Variants in TTC23 observed in about 807,000 individuals in gnomAD.
TTC23 encodes the protein tetratricopeptide repeat protein 23.
In TTC23, 58 loss-of-function variants were observed where a neutral mutation model predicts 55.1. The observed-to-expected ratio is 1.05, with a 90% CI of 0.85 to 1.31. The LOEUF (loss-of-function observed/expected upper bound fraction) is 1.31, where lower values mean the gene tolerates loss of function less well. TTC23 is among the 50% of genes most tolerant of loss of function. The pLI, the probability that TTC23 is intolerant of heterozygous loss-of-function variation, is 0.00. For missense variants in TTC23, 516 were observed against 534.4 expected (o/e 0.97, Z 0.34); for synonymous variants, 203 against 199.9 (o/e 1.02, Z -0.13).
At chr15:99,238,483 A>C (rs1460653200) in intron 3 of TTC23, among the ~76,000 whole-genome samples, 1 of 152,170 alleles carries the variant, frequency 6.6e-6, no homozygotes, top group East Asian at 1.9e-4. Context: ...TTGCTGCTGC[A>C]ATGACCTTGC....
intron 10 of TTC23, among the ~76,000 whole-genome samples, chr15:99,173,030 G>A (rs150858281): frequency 4.9e-4 from 75 of 152,276 alleles, no homozygotes; most frequent in Non-Finnish European, 9.3e-4. Context: ...TGAGTACACT[G>A]AGCACTGGGT....
At chr15:99,138,613 C>G (rs1220856657) in intron 13 of TTC23, among the ~76,000 whole-genome samples, 1 of 152,220 alleles carries the variant, frequency 6.6e-6, no homozygotes, top group Non-Finnish European at 1.5e-5. Context: ...TCGCCTGGCC[C>G]CTCCCATCTT....
Position 99,137,106 on chromosome 15 carries a change from CT to C in TTC23, c.*903del, listed in dbSNP as rs1157177046. On this transcript the variant is annotated 3_prime_UTR_variant, in exon 14 of 14. Coordinates refer to ENST00000394132, the MANE Select transcript of TTC23 (RefSeq NM_001288615.3). The stretch of plus-strand genomic sequence containing the variant: ...GACATCACTGCCCACACCTGCACCC[CT>C]ACCCCTGGGTGTTCCATCCACCTCG... 2 of 152,478 alleles carry C rather than the reference CT, an allele frequency of 1.3e-5. No homozygotes were observed. Among genetic ancestry groups the C allele is most frequent in the East Asian group, 3.9e-4 (2 of 5,180 alleles). The allele number at this position is 152,478 out of a possible 1,614,324, so 9.4% of individuals were successfully genotyped here.
intron 10 of TTC23, among the ~76,000 whole-genome samples, chr15:99,168,104 A>G (rs2072390725): frequency 1.3e-5 from 2 of 152,054 alleles, no homozygotes; most frequent in Admixed American, 6.6e-5. Flanking sequence ...CTCACAGGAG[A>G]CCCTCTTCAT....
chr15:99,159,492 A>G (rs1033710279), intron 11 of TTC23: 2 of 152,336 alleles, frequency 1.3e-5, no homozygotes, highest in Admixed American at 6.5e-5. Context: ...GAATCAGAGA[A>G]GCTGGTAAGA....
rs192083390 is a variant in TTC23 at position 99,214,773 on chromosome 15, G to A, written c.581+3815C>T. On this transcript the variant is annotated intron_variant, in intron 8 of 13. Transcript: ENST00000394132. ...TTCATTTTCTGATAACTGATAAGGTGGAACACCTTTTGATAGGTTTATTTG... is the reference window on the plus strand; with the variant it reads ...TTCATTTTCTGATAACTGATAAGGTAGAACACCTTTTGATAGGTTTATTTG... 7.9e-5 allele frequency among the ~76,000 whole-genome samples: 12 copies of A among 151,478 alleles called. No homozygotes were observed. The East Asian group carries it at 2.1e-3, about 27-fold the overall frequency.
At chr15:99,139,456 AC>A (rs782072176) in intron 12 of TTC23, 57 bp from the exon 13 acceptor site, 1 of 1,610,908 alleles carries the variant, frequency 6.2e-7, no homozygotes, top group South Asian at 1.1e-5. Flanking sequence ...AGAGCAGGAA[AC>A]TAAGGTCTCC....
chr15:99,244,391 C>G (rs930146993), intron 2 of TTC23, among the ~76,000 whole-genome samples: 1 of 152,060 alleles, frequency 6.6e-6, no homozygotes, highest in Middle Eastern at 3.2e-3. Flanking sequence ...CCTAAGGATT[C>G]CACAATAAAT....
intron 4 of TTC23, among the ~76,000 whole-genome samples, chr15:99,232,619 T>C (rs551023292): frequency 6.6e-6 from 1 of 152,194 alleles, no homozygotes; most frequent in African/African-American, 2.4e-5. Flanking sequence ...ATCTTACACC[T>C]GTTAAAATGG....
At chr15:99,248,751 AAG>A (rs2080477754) in intron 1 of TTC23, among the ~76,000 whole-genome samples, 1 of 152,246 alleles carries the variant, frequency 6.6e-6, no homozygotes, top group Non-Finnish European at 1.5e-5. Flanking sequence ...CAGGCAACTT[AAG>A]AAATAGTCAT....
At chr15:99,189,950 G>A (rs1396872208) in intron 9 of TTC23, among the ~76,000 whole-genome samples, 2 of 152,134 alleles carry the variant, frequency 1.3e-5, no homozygotes, top group African/African-American at 2.4e-5. Context: ...GCTGAAGTGG[G>A]TGGATTGCTT....
chr15:99,144,021 G>A (rs1372469061), intron 12 of TTC23, among the ~76,000 whole-genome samples: 4 of 152,184 alleles, frequency 2.6e-5, no homozygotes, highest in Admixed American at 6.5e-5. Flanking sequence ...TGGGTGTGTG[G>A]TGTGAAAAGC....
In TTC23 at chr15:99,156,252, C is replaced by G. The variant is rs751571056; in HGVS notation, c.1039G>C (p.Ala347Pro). ...ACCTCGGGACTGAAATCGCCAAATG[C>G]TTCCACTTTGGCTTCCAGGGACTCT... Reference protein sequence around the residue: ...LRESLEAKVEAFGDFSPEVAE... With the variant: ...LRESLEAKVEPFGDFSPEVAE... Residue 347 changes from alanine (A) to proline (P), a missense_variant, in exon 12 of 14, where the codon GCA becomes CCA. By Grantham distance (27) the Ala-to-Pro change is conservative. Coordinates refer to ENST00000394132, the MANE Select transcript of TTC23 (RefSeq NM_001288615.3). 9.9e-6 allele frequency: 16 copies of G among 1,614,248 alleles called. No homozygotes were observed. The South Asian group carries it at 1.8e-4, about 18-fold the overall frequency.
intron 2 of TTC23, among the ~76,000 whole-genome samples, 188 bp from the exon 3 acceptor site, chr15:99,241,747 C>T (rs926842847): frequency 1.3e-5 from 2 of 152,210 alleles, no homozygotes; most frequent in African/African-American, 4.8e-5. Context: ...CCCTGCTTTT[C>T]CAGGTGTGAA....
rs1336499540 is a variant in TTC23 at position 99,156,188 on chromosome 15, G to A, written c.1103C>T (p.Ala368Val). The change falls in exon 12 of 14, where the codon GCG (alanine) becomes GTG (valine). Residue 368 changes from alanine (A) to valine (V), a missense_variant. Transcript: ENST00000394132. ...TYRLLGGADL[A>V]QGNHSGARKK... ...GCGGGCCCCACTGTGGTTCCCCTGC[G>A]CCAGGTCTGCTCCTCCCAGGAGCCG... 24 of 1,614,050 alleles carry A rather than the reference G, an allele frequency of 1.5e-5. No homozygotes were observed. Among genetic ancestry groups the A allele is most frequent in the East Asian group, 2.2e-5 (1 of 44,888 alleles).
chr15:99,168,669 C>A (rs561462226), intron 10 of TTC23, among the ~76,000 whole-genome samples: 4 of 152,354 alleles, frequency 2.6e-5, no homozygotes, highest in African/African-American at 9.6e-5. Flanking sequence ...CTCTCAGACA[C>A]AATGAAGGGA....
intron 8 of TTC23, among the ~76,000 whole-genome samples, chr15:99,203,359 G>C (rs1447853362): frequency 6.6e-6 from 1 of 152,014 alleles, no homozygotes; most frequent in Admixed American, 6.6e-5. Context: ...CATAATAATT[G>C]TATATATGTA....
Position 99,183,528 on chromosome 15 carries a change from T to A in TTC23, c.760-8373A>T, listed in dbSNP as rs1236740909. On this transcript the variant is annotated intron_variant, in intron 9 of 13. Coordinates refer to ENST00000394132, the MANE Select transcript of TTC23 (RefSeq NM_001288615.3). ...TTTTTTTTTTTTTTTTTTTAGTAGA[T>A]AACGGGTTTCACTGCGTTAGCCAGA... 4.5e-5 allele frequency among the ~76,000 whole-genome samples: 6 copies of A among 133,252 alleles called. 1 individual carries two copies. The South Asian group carries it at 9.4e-4, about 21-fold the overall frequency. 87.4% of individuals were successfully genotyped at this position (133,252 alleles called of 152,430 possible).
chr15:99,210,415 C>T (rs1045615880), intron 8 of TTC23, among the ~76,000 whole-genome samples: 4 of 152,052 alleles, frequency 2.6e-5, no homozygotes, highest in Non-Finnish European at 5.9e-5. Flanking sequence ...TCTTCAACCA[C>T]AGAAATATAG....
Sources: gnomAD v4.1 joint callset for allele counts (sites outside exome capture counted in the v4.1 genomes callset) on GRCh38, gnomAD v4.1.1 for gene constraint, MANE v1.5 for transcripts, NCBI Gene and HGNC (gene_info 2026-07-23, HGNC 2026-07-21) for gene names.